Variants in CCSER2 observed in about 807,000 individuals in gnomAD.
The protein encoded by CCSER2 is serine-rich coiled-coil domain-containing protein 2.
In CCSER2, 46 loss-of-function variants were observed where a neutral mutation model predicts 92.3. The observed-to-expected ratio is 0.50, with a 90% CI of 0.39 to 0.64. The LOEUF is 0.64. CCSER2 is among the 30% of genes least tolerant of loss of function. CCSER2 has a pLI of 0.00. For missense variants in CCSER2, 1,244 were observed against 1,238.9 expected (o/e 1.00, Z -0.06); for synonymous variants, 433 against 431.4 (o/e 1.00, Z -0.04).
At chr10:84,480,680 G>A (rs1847404977) in intron 9 of CCSER2, among the ~76,000 whole-genome samples, 1 of 152,082 alleles carries the variant, frequency 6.6e-6, no homozygotes, top group Non-Finnish European at 1.5e-5. Flanking sequence ...AAATAGAGAA[G>A]CAAAACAACT....
At chr10:84,395,467 A>T (rs897078767) in intron 3 of CCSER2, among the ~76,000 whole-genome samples, 1 of 152,120 alleles carries the variant, frequency 6.6e-6, no homozygotes. Flanking sequence ...AAGTAATTAA[A>T]TATTTTTCAA....
Position 84,422,031 on chromosome 10 carries a change from AAG to A in CCSER2, c.1706-3695_1706-3694del, listed in dbSNP as rs1843177269. ...TGAGAGTCTTCAAGGAAGAAAGGAA[AAG>A]AGAGTGAGTGACCTTTCTAGGTTTT... On this transcript the variant is annotated intron_variant, in intron 4 of 9. Transcript: ENST00000372088. 2.0e-5 allele frequency among the ~76,000 whole-genome samples: 3 copies of A among 152,316 alleles called. No individual in the cohort carries two copies. The South Asian group carries it at 6.2e-4, about 32-fold the overall frequency.
chr10:84,495,088 T>C (rs1201468134), intron 9 of CCSER2, among the ~76,000 whole-genome samples: 2 of 151,810 alleles, frequency 1.3e-5, no homozygotes, highest in Non-Finnish European at 2.9e-5. Context: ...CTTTTCTGTC[T>C]CTACTTCAGC....
intron 6 of CCSER2, among the ~76,000 whole-genome samples, chr10:84,460,910 A>G (rs937089835): frequency 2.0e-5 from 3 of 152,132 alleles, no homozygotes; most frequent in African/African-American, 7.2e-5. Flanking sequence ...ATTTTCAAAG[A>G]AAGTGTTTTT....
chr10:84,422,821 A>C (rs61865054), intron 4 of CCSER2, among the ~76,000 whole-genome samples: 189 of 152,270 alleles, frequency 1.2e-3, no homozygotes, highest in Non-Finnish European at 2.4e-3. Flanking sequence ...TGGGAGGCCA[A>C]GGCATGTGGA....
At chr10:84,507,704 G>A (rs1849137819) in intron 9 of CCSER2, among the ~76,000 whole-genome samples, 1 of 152,162 alleles carries the variant, frequency 6.6e-6, no homozygotes, top group South Asian at 2.1e-4. Context: ...TGGCATGAGT[G>A]CTTTTCCGTA....
chr10:84,465,996 C>A lies in CCSER2; in HGVS notation c.2148+1980C>A, dbSNP rs61866495. 6.6e-5 allele frequency among the ~76,000 whole-genome samples: 10 copies of A among 152,214 alleles called. No individual in the cohort carries two copies. In the East Asian group the frequency reaches 1.7e-3, roughly 27 times the overall value. ...CTTGTGATCCGCCCGCTTCGGCGTCCCAAAGTGCTAGGATTACAGGCGTGA... is the reference window on the plus strand; with the variant it reads ...CTTGTGATCCGCCCGCTTCGGCGTCACAAAGTGCTAGGATTACAGGCGTGA... On this transcript the variant is annotated intron_variant, in intron 7 of 9. Transcript: ENST00000372088.
intron 5 of CCSER2, among the ~76,000 whole-genome samples, chr10:84,429,536 G>A: frequency 6.6e-6 from 1 of 152,008 alleles, no homozygotes; most frequent in Non-Finnish European, 1.5e-5. Flanking sequence ...CAACTCCCAT[G>A]CTTTCTGATG....
At chr10:84,366,142 C>T (rs756411784) in intron 1 of CCSER2, among the ~76,000 whole-genome samples, 1 of 152,092 alleles carries the variant, frequency 6.6e-6, no homozygotes, top group Non-Finnish European at 1.5e-5. Context: ...TGAGGTCTCA[C>T]TATGTTGCTC....
chr10:84,430,465 T>G (rs968075750), intron 5 of CCSER2, among the ~76,000 whole-genome samples: 1 of 152,216 alleles, frequency 6.6e-6, no homozygotes, highest in African/African-American at 2.4e-5. Flanking sequence ...TTTTAAGCAG[T>G]GCACTAGGGA....
At chr10:84,429,868 AT>A (rs1414718433) in intron 5 of CCSER2, among the ~76,000 whole-genome samples, 3 of 105,388 alleles carry the variant, frequency 2.8e-5, no homozygotes, top group East Asian at 3.5e-4. Context: ...GTCACAAAAA[AT>A]TTGAAAAAAA....
In CCSER2 at chr10:84,336,380, C is replaced by T. The variant is rs574999785; in HGVS notation, c.-40+7572C>T. Among the ~76,000 whole-genome samples, 4 of 152,252 alleles carry T rather than the reference C, an allele frequency of 2.6e-5. No homozygotes were observed. The East Asian group carries it at 7.7e-4, about 29-fold the overall frequency. On this transcript the variant is annotated intron_variant, in intron 1 of 9. Coordinates refer to ENST00000372088, the MANE Select transcript of CCSER2 (RefSeq NM_001284240.2). ...TATATGTGTAATATGTCATCTATTACATTGCTGTGGAGAAAAAGCAGGAAG... is the reference window on the plus strand; with the variant it reads ...TATATGTGTAATATGTCATCTATTATATTGCTGTGGAGAAAAAGCAGGAAG...
At chr10:84,458,863 T>A (rs2133640793) in intron 6 of CCSER2, among the ~76,000 whole-genome samples, 1 of 151,970 alleles carries the variant, frequency 6.6e-6, no homozygotes, top group Middle Eastern at 3.4e-3. Context: ...TATTTTGGAT[T>A]TTTTTCCCTT....
chr10:84,496,523 G>A lies in CCSER2; in HGVS notation c.2326-16926G>A, dbSNP rs373598032. On this transcript the variant is annotated intron_variant, in intron 9 of 9. Transcript: ENST00000372088. ...GATGGTCTGGATCTCCTGACCTCGT[G>A]ATCTGCCCGCCTCGGCCTCCCAAAG... is the stretch of plus-strand genomic sequence containing the variant. Among the ~76,000 whole-genome samples the A allele has an allele frequency of 1.5e-4, 23 of 151,946 alleles. 1 individual carries two copies. The highest frequency in any genetic ancestry group is 9.8e-4 in the Admixed American group (15 of 15,254).
intron 6 of CCSER2, chr10:84,455,991 C>G: frequency 1.7e-6 from 1 of 573,618 alleles, no homozygotes; most frequent in Non-Finnish European, 3.4e-6. Flanking sequence ...TACTCCTTTC[C>G]TAGTAGCCTT....
intron 1 of CCSER2, among the ~76,000 whole-genome samples, chr10:84,348,334 C>T (rs1053185999): frequency 1.2e-4 from 19 of 152,322 alleles, no homozygotes; most frequent in South Asian, 4.1e-4. Flanking sequence ...CGCCTGCAAT[C>T]GCAGGCACTC....
At chr10:84,403,856 A>G (rs1014210881) in intron 3 of CCSER2, among the ~76,000 whole-genome samples, 1 of 152,214 alleles carries the variant, frequency 6.6e-6, no homozygotes, top group African/African-American at 2.4e-5. Context: ...ATATATACAA[A>G]TGCTCCAAGC....
intron 6 of CCSER2, among the ~76,000 whole-genome samples, chr10:84,458,280 C>T (rs1411210946): frequency 2.6e-5 from 4 of 152,086 alleles, no homozygotes; most frequent in Non-Finnish European, 4.4e-5. Flanking sequence ...GTTCTAGCAC[C>T]ATTGGTTGGA....
intron 7 of CCSER2, 25 bp downstream of exon 7, chr10:84,464,041 T>C (rs759513546): frequency 2.3e-6 from 3 of 1,297,438 alleles, no homozygotes; most frequent in East Asian, 4.8e-5. Context: ...TCATGCTGGA[T>C]TTTTCAAAAT....
Sources: allele counts gnomAD v4.1 joint callset (sites outside exome capture counted in the v4.1 genomes callset), GRCh38; gene constraint gnomAD v4.1.1; transcripts MANE v1.5; gene names NCBI Gene and HGNC (gene_info 2026-07-23, HGNC 2026-07-21).